PHACTR3: variants seen among roughly 807,000 people sequenced by gnomAD.
The protein encoded by PHACTR3 is phosphatase and actin regulator 3, also known as protein phosphatase 1, regulatory subunit 123.
Under a neutral mutation model 66.8 loss-of-function variants are expected in PHACTR3, and 16 were observed. The observed-to-expected ratio is 0.24, with a 90% CI of 0.16 to 0.36. PHACTR3 has a LOEUF of 0.36. PHACTR3 is among the 10% of genes least tolerant of loss of function. The probability of loss-of-function intolerance (pLI) is 1.00; values close to 1 mark genes in which losing one functional copy is unlikely to be tolerated. For synonymous variants in PHACTR3, 323 were observed against 292.1 expected, an observed-to-expected ratio of 1.11 and a Z score of -1.08; for missense variants, 647 against 719.9, an observed-to-expected ratio of 0.90 and a Z score of 1.16.
chr20:59,657,849 G>A (rs2903079), intron 1 of PHACTR3, among the ~76,000 whole-genome samples: 5 of 151,782 alleles, frequency 3.3e-5, no homozygotes, highest in East Asian at 3.9e-4. Context: ...GGGTTTTTTC[G>A]CACTAAATTT....
At chr20:59,712,535 A>G (rs1296328684) in intron 1 of PHACTR3, among the ~76,000 whole-genome samples, 1 of 152,160 alleles carries the variant, frequency 6.6e-6, no homozygotes, top group Non-Finnish European at 1.5e-5. Context: ...TGACTGTTGC[A>G]AATGCCTTTA....
intron 1 of PHACTR3, among the ~76,000 whole-genome samples, chr20:59,667,225 G>A (rs79753452): frequency 0.011 from 1,643 of 152,340 alleles, 40 homozygotes; most frequent in African/African-American, 0.036. Context: ...AGGGGAGGTT[G>A]AGGTAATAAC....
At chr20:59,692,852 A>G (rs577957102) in intron 1 of PHACTR3, among the ~76,000 whole-genome samples, 1 of 152,352 alleles carries the variant, frequency 6.6e-6, no homozygotes, top group East Asian at 1.9e-4. Flanking sequence ...GGGTGTTAGG[A>G]TTAAATGAGA....
chr20:59,812,529 G>C (rs1358349031), intron 8 of PHACTR3, among the ~76,000 whole-genome samples: 3 of 152,216 alleles, frequency 2.0e-5, no homozygotes, highest in Non-Finnish European at 4.4e-5. Flanking sequence ...TTTGGTCCTG[G>C]AGACAGAACG....
chr20:59,604,618 G>C lies in PHACTR3; in HGVS notation c.-397G>C. On this transcript the variant is annotated 5_prime_UTR_variant, in exon 1 of 13. Transcript: ENST00000371015. ...GGGGTGGGGGGTGGGGTGGGGGGAGGGAGCGCCCCCAGACATTCCAGGACA... is the reference window on the plus strand; with the variant it reads ...GGGGTGGGGGGTGGGGTGGGGGGAGCGAGCGCCCCCAGACATTCCAGGACA... 1 of 557,324 alleles carries C rather than the reference G, an allele frequency of 1.8e-6. No individual in the cohort carries two copies. Among genetic ancestry groups the C allele is most frequent in the South Asian group, 7.9e-5 (1 of 12,704 alleles). The allele number at this position is 557,324 out of a possible 1,614,324, so 34.5% of individuals were successfully genotyped here.
chr20:59,791,087 G>T (rs1409418449), intron 7 of PHACTR3, among the ~76,000 whole-genome samples: 1 of 152,266 alleles, frequency 6.6e-6, no homozygotes, highest in Non-Finnish European at 1.5e-5. Flanking sequence ...ATGAATGTTT[G>T]TCTCCTCCAA....
At position 59,800,774 on chromosome 20, in the gene PHACTR3, T is replaced by C. The variant is rs563943192; in HGVS notation, c.1175-5267T>C. The stretch of plus-strand genomic sequence containing the variant: ...TTTTTTGTATTCCTATAAATACTCT[T>C]GAGTTTTGTTCTGGGAAGCAGTTAA... On this transcript the variant is annotated intron_variant, in intron 7 of 12. Transcript: ENST00000371015. Among the ~76,000 whole-genome samples, 44 of 152,358 alleles carry C rather than the reference T, an allele frequency of 2.9e-4. No individual in the cohort carries two copies. The South Asian group carries it at 3.9e-3, about 14-fold the overall frequency.
chr20:59,584,774 C>T (rs561540883), intron 1 of PHACTR3, among the ~76,000 whole-genome samples: 1 of 152,338 alleles, frequency 6.6e-6, no homozygotes, highest in East Asian at 1.9e-4. Flanking sequence ...GTGTACCCAT[C>T]TGTCAAGGCC....
intron 9 of PHACTR3, among the ~76,000 whole-genome samples, chr20:59,838,499 G>A (rs1012964404): frequency 2.0e-5 from 3 of 152,140 alleles, no homozygotes; most frequent in African/African-American, 4.8e-5. Context: ...ATATGGTGAT[G>A]GTAATTCTTT....
intron 7 of PHACTR3, among the ~76,000 whole-genome samples, chr20:59,783,526 A>G (rs2040802058): frequency 6.7e-6 from 1 of 148,510 alleles, no homozygotes; most frequent in Non-Finnish European, 1.5e-5. Flanking sequence ...AAGTCCCTTG[A>G]CAAGGTGATA....
chr20:59,808,522 C>A (rs1335537926), intron 8 of PHACTR3, among the ~76,000 whole-genome samples: 1 of 152,198 alleles, frequency 6.6e-6, no homozygotes, highest in African/African-American at 2.4e-5. Context: ...CCTGGACAGC[C>A]CCTAGTCCGC....
intron 1 of PHACTR3, among the ~76,000 whole-genome samples, chr20:59,624,007 C>T (rs889556504): frequency 1.4e-4 from 21 of 152,060 alleles, no homozygotes; most frequent in African/African-American, 4.8e-4. Flanking sequence ...AGGAAATGGA[C>T]CTGCTGGCAG....
At chr20:59,698,678 T>G (rs1349265107) in intron 1 of PHACTR3, among the ~76,000 whole-genome samples, 1 of 152,208 alleles carries the variant, frequency 6.6e-6, no homozygotes, top group African/African-American at 2.4e-5. Context: ...ATTTTTATTT[T>G]AAGGTCAAGG....
intron 1 of PHACTR3, among the ~76,000 whole-genome samples, chr20:59,675,967 G>T (rs566447200): frequency 2.0e-5 from 3 of 152,212 alleles, no homozygotes; most frequent in Non-Finnish European, 4.4e-5. Context: ...CGGAATAAAA[G>T]GTGCACCAAG....
intron 9 of PHACTR3, among the ~76,000 whole-genome samples, chr20:59,838,286 C>G (rs1312653376): frequency 6.6e-6 from 1 of 152,290 alleles, no homozygotes; most frequent in Admixed American, 6.5e-5. Context: ...AAACATCATA[C>G]TCATAGGCTC....
intron 1 of PHACTR3, among the ~76,000 whole-genome samples, chr20:59,674,560 T>G (rs1456387455): frequency 2.1e-5 from 2 of 96,416 alleles, no homozygotes; most frequent in Non-Finnish European, 3.7e-5. Flanking sequence ...CTCCTTCTCC[T>G]ATTCCCCGCT....
chr20:59,700,437 G>A (rs1053802787), intron 1 of PHACTR3, among the ~76,000 whole-genome samples: 1 of 152,172 alleles, frequency 6.6e-6, no homozygotes, highest in Non-Finnish European at 1.5e-5. Context: ...TGCATTTTAA[G>A]TTTGTCTAGA....
intron 1 of PHACTR3, among the ~76,000 whole-genome samples, chr20:59,727,141 G>A (rs575371783): frequency 1.0e-3 from 159 of 152,134 alleles, no homozygotes; most frequent in African/African-American, 3.7e-3. Context: ...TGTATGAATT[G>A]GTCTGTGCTG....
intron 1 of PHACTR3, among the ~76,000 whole-genome samples, chr20:59,741,752 T>G (rs940197762): frequency 8.0e-5 from 5 of 62,652 alleles, no homozygotes; most frequent in Admixed American, 4.7e-4. Context: ...ATTTCTTTCT[T>G]TCTTTTTTTT....
Sources: allele counts gnomAD v4.1 joint callset (sites outside exome capture counted in the v4.1 genomes callset), GRCh38; gene constraint gnomAD v4.1.1; transcripts MANE v1.5; gene names NCBI Gene and HGNC (gene_info 2026-07-23, HGNC 2026-07-21).